The following PCDH15 variants were observed in gnomAD, a reference collection of about 807,000 sequenced individuals.
PCDH15 encodes protocadherin related 15, also known as protocadherin-15.
PCDH15 carries 129 observed loss-of-function variants against 178.5 expected under a neutral mutation model. The ratio of observed to expected loss-of-function variants is 0.72; its 90% CI spans 0.63 to 0.84. The LOEUF is 0.84. Ranked by LOEUF, PCDH15 falls within the 40% of genes least tolerant of loss-of-function variation. The pLI is 0.00. For missense variants in PCDH15, 2,230 were observed against 2,099.9 expected (o/e 1.06, Z -1.21); for synonymous variants, 800 against 732.0 (o/e 1.09, Z -1.50).
At chr10:53,859,170 T>C (rs1000164117) in intron 27 of PCDH15, among the ~76,000 whole-genome samples, 1 of 152,096 alleles carries the variant, frequency 6.6e-6, no homozygotes, top group Non-Finnish European at 1.5e-5. Flanking sequence ...TCATTCTCTG[T>C]TCCCTGAAGC....
intron 2 of PCDH15, among the ~76,000 whole-genome samples, chr10:55,555,867 C>G (rs764877274): frequency 1.3e-5 from 2 of 152,032 alleles, no homozygotes; most frequent in African/African-American, 4.8e-5. Flanking sequence ...TTCAATGGCT[C>G]TCCATAGTCG....
chr10:54,191,617 T>C (rs2048994573), intron 11 of PCDH15, among the ~76,000 whole-genome samples: 1 of 151,986 alleles, frequency 6.6e-6, no homozygotes, highest in African/African-American at 2.4e-5. Context: ...GTCATAAAAG[T>C]ATATCAAATA....
intron 1 of PCDH15, among the ~76,000 whole-genome samples, chr10:55,175,824 T>C (rs1291612274): frequency 6.6e-6 from 1 of 151,778 alleles, no homozygotes; most frequent in African/African-American, 2.4e-5. Flanking sequence ...AGTGGCTACA[T>C]TGTAGGTTTG....
At chr10:55,228,933 C>A (rs1244893554) in intron 1 of PCDH15, among the ~76,000 whole-genome samples, 1 of 151,676 alleles carries the variant, frequency 6.6e-6, no homozygotes, top group African/African-American at 2.4e-5. Context: ...AGCTCATGAG[C>A]ATTAAATATA....
intron 10 of PCDH15, among the ~76,000 whole-genome samples, chr10:54,211,209 G>A (rs2051388114): frequency 6.6e-6 from 1 of 150,856 alleles, no homozygotes; most frequent in Non-Finnish European, 1.5e-5. Flanking sequence ...TATGAGTGTA[G>A]TGATCAAATA....
chr10:55,618,556 C>G (rs1017678762), intron 2 of PCDH15, among the ~76,000 whole-genome samples: 1 of 151,990 alleles, frequency 6.6e-6, no homozygotes, highest in Non-Finnish European at 1.5e-5. Flanking sequence ...TACTACTCTT[C>G]CCCAAAACAC....
At chr10:55,334,722 A>T (rs1190163836) in intron 2 of PCDH15, among the ~76,000 whole-genome samples, 11 of 152,174 alleles carry the variant, frequency 7.2e-5, no homozygotes, top group Admixed American at 7.2e-4. Context: ...CACAATATTT[A>T]AAAAGTCTGA....
At chr10:54,242,179 T>C (rs1295960541) in intron 8 of PCDH15, among the ~76,000 whole-genome samples, 15 of 82,384 alleles carry the variant, frequency 1.8e-4, no homozygotes, top group African/African-American at 8.5e-4. Flanking sequence ...TATATATATA[T>C]ATATATATAC....
At chr10:54,725,440 A>G (rs7912953) in intron 1 of PCDH15, among the ~76,000 whole-genome samples, 128,454 of 148,250 alleles carry the variant, frequency 0.87, 56,325 homozygotes, top group Non-Finnish European at 0.93. Flanking sequence ...AATTTGGGAG[A>G]CCAAGGTGGA....
At chr10:55,139,701 A>G (rs576233333) in intron 2 of PCDH15, among the ~76,000 whole-genome samples, 189 of 152,150 alleles carry the variant, frequency 1.2e-3, no homozygotes, top group Non-Finnish European at 1.4e-3. Flanking sequence ...TACATTAAGT[A>G]TATAAATGGG....
intron 15 of PCDH15, among the ~76,000 whole-genome samples, chr10:54,111,984 A>C (rs1352489533): frequency 9.3e-5 from 7 of 74,970 alleles, no homozygotes; most frequent in Non-Finnish European, 2.6e-5. Flanking sequence ...AAAAAAAAAA[A>C]AAACAAAACT....
chr10:54,185,355 T>G, intron 11 of PCDH15, 87 bp from the exon 12 acceptor site: 1 of 1,484,834 alleles, frequency 6.7e-7, no homozygotes, highest in Non-Finnish European at 9.4e-7. Flanking sequence ...TTGAAATTTA[T>G]AGCAAAAATC....
intron 18 of PCDH15, among the ~76,000 whole-genome samples, chr10:54,041,529 C>A (rs1452632886): frequency 6.6e-6 from 1 of 151,900 alleles, no homozygotes; most frequent in Non-Finnish European, 1.5e-5. Flanking sequence ...CAGTGATAAA[C>A]CTAAGTAATA....
At chr10:55,151,915 GT>G (rs138980639) in intron 2 of PCDH15, among the ~76,000 whole-genome samples, 7,145 of 151,812 alleles carry the variant, frequency 0.047, 175 homozygotes, top group Middle Eastern at 0.13. Flanking sequence ...GAAAGGATGT[GT>G]TTTTTTATTA....
chr10:55,142,268 C>T (rs1838375338), intron 2 of PCDH15, among the ~76,000 whole-genome samples: 1 of 152,134 alleles, frequency 6.6e-6, no homozygotes, highest in African/African-American at 2.4e-5. Context: ...ACTATTGAGT[C>T]TGGCAATGAC....
intron 2 of PCDH15, among the ~76,000 whole-genome samples, chr10:55,582,628 A>ATATATATATATATATATTTT (rs780312007): frequency 2.9e-5 from 2 of 69,032 alleles, no homozygotes; most frequent in African/African-American, 6.6e-5. Flanking sequence ...ATATATATAT[A>ATATATATATATATATATTTT]TTTTTTTTTT....
At chr10:54,575,296 A>G (rs2090345366) in intron 2 of PCDH15, 1 of 152,222 alleles carries the variant, frequency 6.6e-6, no homozygotes, top group Non-Finnish European at 1.5e-5. Flanking sequence ...AACTTAAAGT[A>G]TAATAAAAAA....
intron 17 of PCDH15, among the ~76,000 whole-genome samples, chr10:54,070,733 G>C (rs2094225192): frequency 6.6e-6 from 1 of 151,988 alleles, no homozygotes; most frequent in Non-Finnish European, 1.5e-5. Context: ...GGGACTACAG[G>C]TGCACGCCAC....
At position 55,031,788 on chromosome 10, in the gene PCDH15, G is replaced by A. The variant is rs551901212; in HGVS notation, c.-79-134288C>T. On this transcript the variant is annotated intron_variant, in intron 2 of 5. Coordinates refer to the PCDH15 transcript ENST00000458638. ...TGTTCCTCCCCTCTGGAGGACGCAG[G>A]ACTCACCAGACAACCAAACCTGCCA... 3.3e-5 allele frequency among the ~76,000 whole-genome samples: 5 copies of A among 152,220 alleles called. No homozygotes were observed. The East Asian group carries it at 9.7e-4, about 29-fold the overall frequency.
Sources: allele counts gnomAD v4.1 joint callset (sites outside exome capture counted in the v4.1 genomes callset), GRCh38; gene constraint gnomAD v4.1.1; transcripts MANE v1.5; gene names NCBI Gene and HGNC (gene_info 2026-07-23, HGNC 2026-07-21).